SHANK2: variants seen among roughly 807,000 people sequenced by gnomAD.
SHANK2 encodes SH3 and multiple ankyrin repeat domains protein 2.
Under a neutral mutation model 133.7 loss-of-function variants are expected in SHANK2, and 43 were observed. That is an observed-to-expected ratio of 0.32 (90% CI 0.25 to 0.41). The LOEUF (loss-of-function observed/expected upper bound fraction) is 0.41, where lower values mean the gene tolerates loss of function less well. Ranked by LOEUF, SHANK2 falls within the 10% of genes least tolerant of loss-of-function variation. The pLI is 1.00. For synonymous variants in SHANK2, 1,017 were observed against 952.8 expected (o/e 1.07, Z -1.24); for missense variants, 1,994 against 2,235.8 (o/e 0.89, Z 2.18).
intron 2 of SHANK2, among the ~76,000 whole-genome samples, chr11:71,153,619 A>G (rs1355945793): frequency 6.6e-6 from 1 of 152,204 alleles, no homozygotes; most frequent in Admixed American, 6.5e-5. Flanking sequence ...CCTCACGGCC[A>G]GCGCTGACTT....
intron 17 of SHANK2, among the ~76,000 whole-genome samples, chr11:70,539,284 A>G (rs2136016534): frequency 6.6e-6 from 1 of 152,344 alleles, no homozygotes; most frequent in Admixed American, 6.5e-5. Flanking sequence ...CCTGGTGCCC[A>G]AACGCAGCTG....
chr11:70,573,317 G>A (rs1305019038), intron 17 of SHANK2, among the ~76,000 whole-genome samples: 31 of 90,356 alleles, frequency 3.4e-4, no homozygotes, highest in African/African-American at 1.3e-3. Flanking sequence ...TCACTCCAGC[G>A]GTGGGGGGGG....
chr11:71,095,342 C>T (rs1180847907), intron 6 of SHANK2, among the ~76,000 whole-genome samples: 3 of 152,192 alleles, frequency 2.0e-5, no homozygotes, highest in Non-Finnish European at 4.4e-5. Flanking sequence ...TGCAGATGAG[C>T]GTGGCTAAGG....
At chr11:71,056,626 CAG>C (rs1950924549) in intron 9 of SHANK2, 68 bp from the exon 10 acceptor site, 1 of 152,190 alleles carries the variant, frequency 6.6e-6, no homozygotes, top group Non-Finnish European at 1.5e-5. Flanking sequence ...GAAATCTGTC[CAG>C]AGTCTCAAGC....
intron 11 of SHANK2, among the ~76,000 whole-genome samples, chr11:70,891,869 T>C (rs1949851103): frequency 6.6e-6 from 1 of 152,092 alleles, no homozygotes; most frequent in African/African-American, 2.4e-5. Flanking sequence ...GGGTGAGAAA[T>C]GCCACAGAAG....
intron 17 of SHANK2, among the ~76,000 whole-genome samples, chr11:70,642,912 T>C (rs1440865612): frequency 1.3e-5 from 2 of 152,230 alleles, no homozygotes; most frequent in African/African-American, 4.8e-5. Flanking sequence ...TAATAATTTA[T>C]TGCATATTTC....
At chr11:71,093,055 G>GGA (rs1465580630) in intron 7 of SHANK2, among the ~76,000 whole-genome samples, 1 of 144,584 alleles carries the variant, frequency 6.9e-6, no homozygotes. Context: ...AAATAAAGGG[G>GGA]GGGGGGGGCA....
At chr11:70,625,121 T>A (rs2060886894) in intron 17 of SHANK2, among the ~76,000 whole-genome samples, 1 of 152,078 alleles carries the variant, frequency 6.6e-6, no homozygotes, top group Non-Finnish European at 1.5e-5. Flanking sequence ...GGATCCAGGC[T>A]GAGATCAGGC....
intron 17 of SHANK2, among the ~76,000 whole-genome samples, chr11:70,507,171 G>A (rs484181): frequency 0.1 from 15,942 of 152,190 alleles, 1,147 homozygotes; most frequent in East Asian, 0.32. Context: ...GTGCCCGCCC[G>A]CCCCAGCCTC....
chr11:70,943,091 G>T (rs782258279), intron 10 of SHANK2: 18 of 456,694 alleles, frequency 3.9e-5, no homozygotes, highest in South Asian at 2.6e-4. Flanking sequence ...GGCTCTGAGG[G>T]GTGGGAAGGA....
intron 10 of SHANK2, among the ~76,000 whole-genome samples, chr11:70,922,922 C>A (rs1950371304): frequency 6.6e-6 from 1 of 151,334 alleles, no homozygotes; most frequent in South Asian, 2.1e-4. Context: ...AACAAACAAA[C>A]AAAAAACCCA....
chr11:70,769,329 G>A (rs782320068), intron 14 of SHANK2, among the ~76,000 whole-genome samples: 1 of 152,144 alleles, frequency 6.6e-6, no homozygotes, highest in African/African-American at 2.4e-5. Flanking sequence ...ACATGTCCTC[G>A]TTTGGATGAT....
At position 71,155,120 on chromosome 11, in the gene SHANK2, GGTGGA is replaced by G. The variant is rs1565484220; in HGVS notation, c.-12-7787_-12-7783del. Among the ~76,000 whole-genome samples, 76 of 119,334 alleles carry G rather than the reference GGTGGA, an allele frequency of 6.4e-4. 2 individuals are homozygous for G. Among genetic ancestry groups the G allele is most frequent in the Non-Finnish European group, 1.1e-3 (62 of 57,590 alleles). 78.3% of individuals were successfully genotyped at this position (119,334 alleles called of 152,430 possible). ...CCCCAGCCCACGCTCCCGGAGGAGG[GGTGGA>G]CCTACCCCAGCCCACGCTCCCGGAG... On this transcript the variant is annotated intron_variant, in intron 2 of 25. Coordinates refer to ENST00000601538, the MANE Select transcript of SHANK2 (RefSeq NM_012309.5).
chr11:70,624,282 T>A (rs79192053), intron 17 of SHANK2, among the ~76,000 whole-genome samples: 10,713 of 151,910 alleles, frequency 0.071, 470 homozygotes, highest in South Asian at 0.083. Flanking sequence ...ATCCTACCCC[T>A]CTCCCCCATG....
intron 17 of SHANK2, among the ~76,000 whole-genome samples, chr11:70,607,815 G>A (rs1554992942): frequency 6.6e-6 from 1 of 152,242 alleles, no homozygotes; most frequent in Non-Finnish European, 1.5e-5. Context: ...CGAGAGTTGG[G>A]GTTAAGCGGG....
intron 2 of SHANK2, among the ~76,000 whole-genome samples, chr11:71,160,858 T>C (rs1953000037): frequency 6.6e-6 from 1 of 152,224 alleles, no homozygotes. Context: ...ACAGTCCACG[T>C]TGGCAGCCTT....
chr11:70,553,256 AT>A (rs782137083), intron 17 of SHANK2, among the ~76,000 whole-genome samples: 1 of 151,596 alleles, frequency 6.6e-6, no homozygotes, highest in Non-Finnish European at 1.5e-5. Context: ...CGCCAGGCTA[AT>A]TTTTTTTGTA....
intron 11 of SHANK2, chr11:70,864,831 G>A (rs532325732): frequency 6.6e-6 from 1 of 152,444 alleles, no homozygotes; most frequent in Admixed American, 6.5e-5. Context: ...TTTGAGACCA[G>A]CCTGGGCAAC....
intron 14 of SHANK2, among the ~76,000 whole-genome samples, chr11:70,703,261 T>C (rs1409624743): frequency 2.0e-5 from 3 of 152,062 alleles, no homozygotes; most frequent in Non-Finnish European, 4.4e-5. Context: ...GCTCACAGAG[T>C]TTGAGTGAGT....
Sources: gnomAD v4.1 joint callset for allele counts (sites outside exome capture counted in the v4.1 genomes callset) on GRCh38, gnomAD v4.1.1 for gene constraint, MANE v1.5 for transcripts, NCBI Gene and HGNC (gene_info 2026-07-23, HGNC 2026-07-21) for gene names.